The following CSMD3 variants were observed in gnomAD, a reference collection of about 807,000 sequenced individuals.
CSMD3 encodes the protein CUB and Sushi multiple domains 3.
In CSMD3, 177 loss-of-function variants were observed where a neutral mutation model predicts 435.2. The ratio of observed to expected loss-of-function variants is 0.41; its 90% confidence interval spans 0.36 to 0.46. The LOEUF (loss-of-function observed/expected upper bound fraction) is 0.46. Among genes scored for constraint, CSMD3 ranks in the 20% least tolerant of loss-of-function variants. The pLI is 0.34. For synonymous variants in CSMD3, 1,656 were observed against 1,520.5 expected, an observed-to-expected ratio of 1.09 and a Z score of -2.07; for missense variants, 4,265 against 4,504.6, an observed-to-expected ratio of 0.95 and a Z score of 1.52.
intron 53 of CSMD3, among the ~76,000 whole-genome samples, chr8:112,299,566 G>A (rs1278561872): frequency 6.6e-6 from 1 of 152,068 alleles, no homozygotes; most frequent in Non-Finnish European, 1.5e-5. Context: ...TTAGGTGGTA[G>A]GCATATGGGT....
chr8:113,140,592 C>T (rs1348429999), intron 4 of CSMD3, among the ~76,000 whole-genome samples: 1 of 151,070 alleles, frequency 6.6e-6, no homozygotes, highest in Non-Finnish European at 1.5e-5. Context: ...AACCGGATAT[C>T]TATAACTCAG....
intron 32 of CSMD3, among the ~76,000 whole-genome samples, chr8:112,462,118 T>C (rs556012837): frequency 6.6e-6 from 1 of 152,334 alleles, no homozygotes; most frequent in African/African-American, 2.4e-5. Context: ...CCAGTTCACC[T>C]TGTTTCCCAC....
rs1014592257 is a variant in CSMD3 at position 113,022,749 on chromosome 8, G to A, written c.918-3570C>T. Among the ~76,000 whole-genome samples, 14 of 151,344 alleles carry A rather than the reference G, an allele frequency of 9.3e-5. 1 individual carries two copies. The highest frequency in any genetic ancestry group is 3.9e-4 in the Admixed American group (6 of 15,200). On this transcript the variant is annotated intron_variant, in intron 5 of 70. Transcript: ENST00000297405. ...AGTTATTTGTATCAGAAAATTTGAC[G>A]TGTCTCTTGAGTAATAAATACATTG...
At chr8:113,400,099 G>A (rs934851481) in intron 1 of CSMD3, among the ~76,000 whole-genome samples, 1 of 151,808 alleles carries the variant, frequency 6.6e-6, no homozygotes, top group African/African-American at 2.4e-5. Flanking sequence ...AAGTTTGTAT[G>A]CAATATTAAC....
chr8:112,468,458 C>A (rs950970905), intron 32 of CSMD3, among the ~76,000 whole-genome samples: 1 of 151,976 alleles, frequency 6.6e-6, no homozygotes, highest in South Asian at 2.1e-4. Context: ...AAATAGAAAT[C>A]TACACATTTA....
intron 17 of CSMD3, among the ~76,000 whole-genome samples, chr8:112,662,823 A>G (rs1043741158): frequency 2.0e-5 from 3 of 152,210 alleles, no homozygotes; most frequent in Non-Finnish European, 4.4e-5. Context: ...AAACAAATTT[A>G]CAAGAAAAAA....
chr8:113,076,092 T>C (rs1220265588), intron 5 of CSMD3, among the ~76,000 whole-genome samples: 1 of 151,734 alleles, frequency 6.6e-6, no homozygotes, highest in South Asian at 2.1e-4. Context: ...GTTATTAGTT[T>C]ATGAAATGAA....
At chr8:113,248,149 T>C (rs1168686549) in intron 3 of CSMD3, among the ~76,000 whole-genome samples, 1 of 151,910 alleles carries the variant, frequency 6.6e-6, no homozygotes, top group Non-Finnish European at 1.5e-5. Context: ...AAATGTGGGG[T>C]ATTTTATGAG....
At chr8:112,816,725 T>C (rs1322052896) in intron 12 of CSMD3, among the ~76,000 whole-genome samples, 1 of 152,034 alleles carries the variant, frequency 6.6e-6, no homozygotes, top group Non-Finnish European at 1.5e-5. Flanking sequence ...CTAAGAGCAA[T>C]GATAGTCATC....
intron 45 of CSMD3, among the ~76,000 whole-genome samples, chr8:112,333,165 T>A (rs758509753): frequency 1.3e-4 from 20 of 152,086 alleles, no homozygotes; most frequent in Non-Finnish European, 2.6e-4. Flanking sequence ...TTTTTATTGA[T>A]TGATTGATTG....
chr8:113,218,103 C>CATATATATAT (rs3048832), intron 3 of CSMD3, among the ~76,000 whole-genome samples: 2 of 146,840 alleles, frequency 1.4e-5, no homozygotes, highest in African/African-American at 5.0e-5. Flanking sequence ...ATATGCTATT[C>CATATATATAT]ATATATATAT....
At chr8:113,132,243 T>C (rs1417626064) in intron 4 of CSMD3, among the ~76,000 whole-genome samples, 1 of 152,090 alleles carries the variant, frequency 6.6e-6, no homozygotes, top group Non-Finnish European at 1.5e-5. Context: ...AGTTAAGACT[T>C]TGGTCAGGGG....
At chr8:113,171,005 A>AT (rs1437934541) in intron 4 of CSMD3, among the ~76,000 whole-genome samples, 6 of 151,490 alleles carry the variant, frequency 4.0e-5, no homozygotes. Flanking sequence ...AAATGGCAAT[A>AT]GAAAAAAAAA....
intron 64 of CSMD3, 146 bp from the exon 65 acceptor site, chr8:112,244,719 G>A: frequency 1.6e-6 from 1 of 638,878 alleles, no homozygotes; most frequent in Non-Finnish European, 2.7e-6. Context: ...TCACAAAAAT[G>A]TTTCAATGCA....
intron 1 of CSMD3, among the ~76,000 whole-genome samples, chr8:113,416,283 AGTT>A (rs1302113212): frequency 6.6e-6 from 1 of 152,162 alleles, no homozygotes; most frequent in Non-Finnish European, 1.5e-5. Context: ...TGTTGGTCGT[AGTT>A]GTTCTACAAA....
chr8:113,366,643 C>T lies in CSMD3; in HGVS notation c.179-51850G>A, dbSNP rs188048288. Among the ~76,000 whole-genome samples the T allele has an allele frequency of 4.8e-3, 731 of 152,022 alleles. 11 individuals carry two copies. Among genetic ancestry groups the T allele is most frequent in the African/African-American group, 0.017 (705 of 41,492 alleles). ...CATATTTGAATGCAATTCTTGTTTC[C>T]AAAATGATGTCTTGAGAAAACTAGA... On this transcript the variant is annotated intron_variant, in intron 1 of 70. Transcript: ENST00000297405.
intron 13 of CSMD3, among the ~76,000 whole-genome samples, chr8:112,742,450 T>C (rs2132060914): frequency 6.6e-6 from 1 of 151,406 alleles, no homozygotes; most frequent in African/African-American, 2.4e-5. Context: ...TTACACACTG[T>C]GGAAAGCTGT....
chr8:112,476,075 T>C (rs1181149047), intron 31 of CSMD3, among the ~76,000 whole-genome samples: 1 of 152,186 alleles, frequency 6.6e-6, no homozygotes, highest in Admixed American at 6.5e-5. Flanking sequence ...GACCAAGTTT[T>C]GCTTTTGTTG....
At chr8:112,893,901 G>A (rs2081874560) in intron 10 of CSMD3, among the ~76,000 whole-genome samples, 1 of 151,336 alleles carries the variant, frequency 6.6e-6, no homozygotes. Flanking sequence ...AAAGGTCAAG[G>A]CCTGAAAACA....
Sources: gnomAD v4.1 joint callset for allele counts (sites outside exome capture counted in the v4.1 genomes callset) on GRCh38, gnomAD v4.1.1 for gene constraint, MANE v1.5 for transcripts, NCBI Gene and HGNC (gene_info 2026-07-23, HGNC 2026-07-21) for gene names.